CA8: variants seen among roughly 807,000 people sequenced by gnomAD.
CA8 encodes the protein carbonic anhydrase-related protein.
In CA8, 22 loss-of-function variants were observed where a neutral mutation model predicts 41.4. The ratio of observed to expected loss-of-function variants is 0.53; its 90% CI spans 0.38 to 0.76. The LOEUF (loss-of-function observed/expected upper bound fraction) is 0.76, where lower values mean the gene tolerates loss of function less well. Ranked by LOEUF, CA8 falls within the 30% of genes least tolerant of loss-of-function variation. CA8 has a pLI of 0.00. For missense variants in CA8, 270 were observed against 352.8 expected, an observed-to-expected ratio of 0.77 and a Z score of 1.88; for synonymous variants, 121 against 130.6, an observed-to-expected ratio of 0.93 and a Z score of 0.50.
intron 8 of CA8, among the ~76,000 whole-genome samples, chr8:60,190,751 T>C (rs181968343): frequency 6.6e-6 from 1 of 150,482 alleles, no homozygotes; most frequent in Admixed American, 6.6e-5. Flanking sequence ...TGTAAGGATA[T>C]TCACTGCAAA....
intron 8 of CA8, among the ~76,000 whole-genome samples, chr8:60,197,411 T>C (rs1806311315): frequency 6.6e-6 from 1 of 152,242 alleles, no homozygotes; most frequent in Admixed American, 6.5e-5. Context: ...GGTAACATTT[T>C]TGAATCCTTA....
chr8:60,223,350 T>C (rs539533461), intron 6 of CA8, among the ~76,000 whole-genome samples: 1 of 152,152 alleles, frequency 6.6e-6, no homozygotes, highest in Admixed American at 6.5e-5. Context: ...TGGAGTGTGG[T>C]GGTGTGACCA....
intron 7 of CA8, among the ~76,000 whole-genome samples, chr8:60,209,918 C>G (rs1250218389): frequency 6.6e-6 from 1 of 152,194 alleles, no homozygotes; most frequent in East Asian, 1.9e-4. Context: ...GCCTGCCAGA[C>G]GTGACTCTCT....
chr8:60,191,934 A>G (rs1202378785), intron 8 of CA8, among the ~76,000 whole-genome samples: 1 of 152,140 alleles, frequency 6.6e-6, no homozygotes, highest in Non-Finnish European at 1.5e-5. Flanking sequence ...CTCTCAGGGC[A>G]TGATTCAGGG....
At chr8:60,248,960 T>C (rs1280398793) in intron 3 of CA8, among the ~76,000 whole-genome samples, 1 of 152,190 alleles carries the variant, frequency 6.6e-6, no homozygotes, top group Non-Finnish European at 1.5e-5. Flanking sequence ...TAGTTCTCCT[T>C]GAAGAGGCCC....
intron 3 of CA8, among the ~76,000 whole-genome samples, chr8:60,233,575 G>C (rs1357740506): frequency 6.6e-6 from 1 of 152,146 alleles, no homozygotes; most frequent in African/African-American, 2.4e-5. Context: ...TTAAGAAAAT[G>C]ATGTCCTATA....
At chr8:60,252,558 A>C (rs1405215445) in intron 3 of CA8, among the ~76,000 whole-genome samples, 1 of 152,210 alleles carries the variant, frequency 6.6e-6, no homozygotes, top group Non-Finnish European at 1.5e-5. Context: ...GACTCAAATT[A>C]TACAAAGCAT....
intron 8 of CA8, among the ~76,000 whole-genome samples, chr8:60,207,619 C>A (rs891006825): frequency 1.3e-5 from 2 of 152,216 alleles, no homozygotes; most frequent in East Asian, 1.9e-4. Context: ...CACCCCTCAT[C>A]CAATTCATCA....
chr8:60,232,190 C>A, intron 4 of CA8, 94 bp downstream of exon 4: 1 of 897,542 alleles, frequency 1.1e-6, no homozygotes, highest in Non-Finnish European at 1.9e-6. Flanking sequence ...GTAATTTCAT[C>A]TCTAAGCAAT....
chr8:60,187,507 C>T lies in CA8; in HGVS notation c.*2514G>A, dbSNP rs546386905. ...GTAAGATTTGAGCAGAGTTTGATGA[C>T]ATAGAGAATACAAACACAATAGAGA... On this transcript the variant is annotated 3_prime_UTR_variant, in exon 9 of 9. Coordinates refer to ENST00000317995, the MANE Select transcript of CA8 (RefSeq NM_004056.6). 6.6e-6 allele frequency: 1 copy of T among 152,120 alleles called. No homozygotes were observed. Among genetic ancestry groups the T allele is most frequent in the Non-Finnish European group, 1.5e-5 (1 of 67,960 alleles). 9.4% of individuals were successfully genotyped at this position (152,120 alleles called of 1,614,324 possible). A position where few individuals can be genotyped will look rare whatever the true frequency, so the allele number is the denominator to read the frequency against.
intron 3 of CA8, among the ~76,000 whole-genome samples, chr8:60,245,886 G>A (rs1563366606): frequency 6.6e-6 from 1 of 152,204 alleles, no homozygotes; most frequent in Non-Finnish European, 1.5e-5. Flanking sequence ...AGCTCATACT[G>A]ACTGGGCTGG....
At chr8:60,205,684 T>C (rs1401477470) in intron 8 of CA8, among the ~76,000 whole-genome samples, 1 of 152,178 alleles carries the variant, frequency 6.6e-6, no homozygotes, top group East Asian at 1.9e-4. Context: ...TAAATGGTAA[T>C]ATAAAAAGTC....
At chr8:60,219,486 C>T (rs1377354309) in intron 7 of CA8, among the ~76,000 whole-genome samples, 1 of 152,074 alleles carries the variant, frequency 6.6e-6, no homozygotes, top group Admixed American at 6.5e-5. Flanking sequence ...GCTAAGGATC[C>T]CTAAATCTGC....
chr8:60,247,704 T>C (rs1055542329), intron 3 of CA8, among the ~76,000 whole-genome samples: 1 of 152,212 alleles, frequency 6.6e-6, no homozygotes. Flanking sequence ...TGAATTGCAC[T>C]GTAATAAACA....
At chr8:60,235,094 G>A (rs1213687700) in intron 3 of CA8, among the ~76,000 whole-genome samples, 1 of 152,176 alleles carries the variant, frequency 6.6e-6, no homozygotes, top group Non-Finnish European at 1.5e-5. Flanking sequence ...CTCTCCATCT[G>A]TATGAGTCTG....
intron 2 of CA8, among the ~76,000 whole-genome samples, chr8:60,278,117 A>T (rs980915352): frequency 3.1e-5 from 3 of 95,982 alleles, no homozygotes; most frequent in Non-Finnish European, 5.9e-5. Context: ...GCAGAAGATT[A>T]AAGAAAATTG....
chr8:60,226,341 T>A (rs1288481606), intron 5 of CA8, among the ~76,000 whole-genome samples: 1 of 152,116 alleles, frequency 6.6e-6, no homozygotes, highest in Non-Finnish European at 1.5e-5. Context: ...CCTTGGGCCA[T>A]CCTGTATTTA....
chr8:60,258,373 T>C (rs560004342), intron 3 of CA8, among the ~76,000 whole-genome samples: 1 of 152,310 alleles, frequency 6.6e-6, no homozygotes, highest in Admixed American at 6.5e-5. Context: ...TATTAATATA[T>C]ATAGGTTTGT....
intron 8 of CA8, among the ~76,000 whole-genome samples, chr8:60,198,063 G>A (rs926262641): frequency 1.3e-5 from 2 of 152,080 alleles, no homozygotes; most frequent in Admixed American, 6.5e-5. Flanking sequence ...GAGATAAGAA[G>A]GCAAAAGATA....
Sources: gnomAD v4.1 joint callset for allele counts (sites outside exome capture counted in the v4.1 genomes callset) on GRCh38, gnomAD v4.1.1 for gene constraint, MANE v1.5 for transcripts, NCBI Gene and HGNC (gene_info 2026-07-23, HGNC 2026-07-21) for gene names.